Variants in TRAF3 observed in about 807,000 individuals in gnomAD.
TRAF3 encodes TNF receptor associated factor 3, also known as TNF receptor-associated factor 3.
A neutral mutation model predicts 62.3 loss-of-function variants in TRAF3; 13 were observed. The ratio of observed to expected loss-of-function variants is 0.21; its 90% CI spans 0.14 to 0.33. The LOEUF (loss-of-function observed/expected upper bound fraction) is 0.33, where lower values mean the gene tolerates loss of function less well. Among genes scored for constraint, TRAF3 ranks in the 10% least tolerant of loss-of-function variants. The pLI, the probability that TRAF3 is intolerant of heterozygous loss-of-function variation, is 1.00. For synonymous variants in TRAF3, 269 were observed against 283.4 expected (o/e 0.95, Z 0.51); for missense variants, 440 against 741.8 (o/e 0.59, Z 4.73).
At chr14:102,810,287 A>T (rs1308699906) in intron 1 of TRAF3, among the ~76,000 whole-genome samples, 1 of 152,148 alleles carries the variant, frequency 6.6e-6, no homozygotes, top group Non-Finnish European at 1.5e-5. Flanking sequence ...GAGAGTATAG[A>T]TACTGTTCAT....
At chr14:102,819,435 A>G (rs1899759219) in intron 1 of TRAF3, among the ~76,000 whole-genome samples, 1 of 152,152 alleles carries the variant, frequency 6.6e-6, no homozygotes, top group Non-Finnish European at 1.5e-5. Context: ...TCTTGCTTTC[A>G]TTCTTGCTTT....
At chr14:102,876,664 C>A (rs909677958) in intron 6 of TRAF3, 139 bp downstream of exon 6, 1 of 1,185,354 alleles carries the variant, frequency 8.4e-7, no homozygotes. Flanking sequence ...AGGCCTTCCA[C>A]TCAGTTCATA....
At chr14:102,807,153 A>G (rs986381466) in intron 1 of TRAF3, among the ~76,000 whole-genome samples, 1 of 152,152 alleles carries the variant, frequency 6.6e-6, no homozygotes, top group African/African-American at 2.4e-5. Context: ...AGATCTAAAC[A>G]TAGGTGGCCT....
At chr14:102,878,542 C>T (rs1595388354) in intron 6 of TRAF3, among the ~76,000 whole-genome samples, 1 of 152,058 alleles carries the variant, frequency 6.6e-6, no homozygotes, top group Non-Finnish European at 1.5e-5. Context: ...TACTGTGCGC[C>T]GGGCAGTATT....
At chr14:102,814,705 T>C (rs756057479) in intron 1 of TRAF3, among the ~76,000 whole-genome samples, 5 of 152,062 alleles carry the variant, frequency 3.3e-5, no homozygotes, top group Non-Finnish European at 7.4e-5. Context: ...CTTTTTTTTG[T>C]AGAGACGGGG....
At chr14:102,787,086 T>C (rs1897542235) in intron 1 of TRAF3, among the ~76,000 whole-genome samples, 1 of 152,216 alleles carries the variant, frequency 6.6e-6, no homozygotes, top group Non-Finnish European at 1.5e-5. Flanking sequence ...TCCCCTTTCC[T>C]TTCCTGAGTG....
At chr14:102,854,600 A>G (rs574212074) in intron 2 of TRAF3, among the ~76,000 whole-genome samples, 2 of 152,248 alleles carry the variant, frequency 1.3e-5, no homozygotes, top group East Asian at 3.9e-4. Context: ...CCTGGGCTCA[A>G]GTGATTCCCA....
intron 9 of TRAF3, among the ~76,000 whole-genome samples, chr14:102,892,964 CT>C (rs373251828): frequency 1.8e-3 from 274 of 152,222 alleles, no homozygotes; most frequent in African/African-American, 5.9e-3. Flanking sequence ...ACCTAGGAAT[CT>C]TTTTTTTCCC....
chr14:102,795,826 G>A (rs995633680), intron 1 of TRAF3, among the ~76,000 whole-genome samples: 7 of 152,130 alleles, frequency 4.6e-5, no homozygotes, highest in African/African-American at 9.7e-5. Context: ...AGATAAGTCC[G>A]AACAGACAGG....
rs60088503 is a variant in TRAF3, at chr14:102,830,488, A to ATTG, written c.-18+17_-18+19dup. The ATTG allele has an allele frequency of 0.4, 61,267 of 151,868 alleles. 16,451 individuals carry two copies. The highest frequency in any genetic ancestry group is 0.76 in the African/African-American group (31,492 of 41,330). The allele number at this position is 151,868 out of a possible 1,614,324, so 9.4% of individuals were successfully genotyped here. A position where few individuals can be genotyped will look rare whatever the true frequency, so the allele number is the denominator to read the frequency against. On this transcript the variant is annotated intron_variant, in intron 2 of 11. Coordinates refer to ENST00000392745, the MANE Select transcript of TRAF3 (RefSeq NM_145725.3). ...GACAGAAGAGGTTTGCTCTCAGTTA[A>ATTG]TTGATGTTGTTGTTGTTTTGCTTTC...
chr14:102,872,714 C>T (rs1379994028), intron 4 of TRAF3, among the ~76,000 whole-genome samples: 1 of 148,476 alleles, frequency 6.7e-6, no homozygotes, highest in African/African-American at 2.5e-5. Context: ...TTTTTTGCGA[C>T]AGAGTTCACT....
chr14:102,812,283 A>T (rs1899233026), intron 1 of TRAF3, among the ~76,000 whole-genome samples: 1 of 151,890 alleles, frequency 6.6e-6, no homozygotes, highest in Non-Finnish European at 1.5e-5. Flanking sequence ...GGCTTATCTC[A>T]CTTAATATAG....
chr14:102,788,140 C>T (rs1407157819), intron 1 of TRAF3, among the ~76,000 whole-genome samples: 1 of 151,900 alleles, frequency 6.6e-6, no homozygotes, highest in Non-Finnish European at 1.5e-5. Context: ...CAGGTGTGAG[C>T]CCCCACACCC....
At chr14:102,842,120 T>C (rs1374037593) in intron 2 of TRAF3, among the ~76,000 whole-genome samples, 1 of 151,704 alleles carries the variant, frequency 6.6e-6, no homozygotes, top group Non-Finnish European at 1.5e-5. Flanking sequence ...TGCAGGCGCC[T>C]GTAATCCCAG....
intron 1 of TRAF3, among the ~76,000 whole-genome samples, chr14:102,820,540 T>A (rs1219170711): frequency 7.3e-6 from 1 of 137,650 alleles, no homozygotes; most frequent in African/African-American, 2.7e-5. Flanking sequence ...CTTTACATTT[T>A]AAAAATTTAT....
chr14:102,777,761 CG>C (rs1198168746), intron 1 of TRAF3, 86 bp downstream of exon 1: 1 of 144,700 alleles, frequency 6.9e-6, no homozygotes, highest in South Asian at 2.1e-4. Flanking sequence ...CCCTGGGCGG[CG>C]GGGCCCGGGG....
At chr14:102,857,227 G>A (rs908560261) in intron 2 of TRAF3, among the ~76,000 whole-genome samples, 2 of 152,070 alleles carry the variant, frequency 1.3e-5, no homozygotes, top group African/African-American at 4.8e-5. Flanking sequence ...TCACTGATTG[G>A]TTCACAGGAG....
chr14:102,890,099 CG>C (rs1294584293), intron 8 of TRAF3, among the ~76,000 whole-genome samples: 1 of 152,206 alleles, frequency 6.6e-6, no homozygotes, highest in African/African-American at 2.4e-5. Context: ...CTGACCCCAA[CG>C]GGGGACAGAC....
At position 102,803,577 on chromosome 14, in the gene TRAF3, T is replaced by A. The variant is rs754554185; in HGVS notation, c.-157+25902T>A. On this transcript the variant is annotated intron_variant, in intron 1 of 11. Coordinates refer to ENST00000392745, the MANE Select transcript of TRAF3 (RefSeq NM_145725.3). ...GAGGTTAAGTTGGCCAGAAGTATAATTTTTTTTTTTTTTTTAAGAGACAGG... is the reference window on the plus strand; with the variant it reads ...GAGGTTAAGTTGGCCAGAAGTATAAATTTTTTTTTTTTTTTAAGAGACAGG... Among the ~76,000 whole-genome samples, 817 of 138,816 alleles carry A rather than the reference T, an allele frequency of 5.9e-3. 6 individuals are homozygous for A. The highest frequency in any genetic ancestry group is 0.011 in the Admixed American group (151 of 13,924). 91.1% of individuals were successfully genotyped at this position (138,816 alleles called of 152,430 possible).
Sources: allele counts gnomAD v4.1 joint callset (sites outside exome capture counted in the v4.1 genomes callset), GRCh38; gene constraint gnomAD v4.1.1; transcripts MANE v1.5; gene names NCBI Gene and HGNC (gene_info 2026-07-23, HGNC 2026-07-21).